TNPO1: variants seen among roughly 807,000 people sequenced by gnomAD.
The protein encoded by TNPO1 is transportin 1.
TNPO1 carries 8 observed loss-of-function variants against 119.5 expected under a neutral mutation model. The ratio of observed to expected loss-of-function variants is 0.07; its 90% confidence interval spans 0.04 to 0.12. TNPO1 has a LOEUF of 0.12. TNPO1 is among the 10% of genes least tolerant of loss of function. TNPO1 has a pLI of 1.00. For synonymous variants in TNPO1, 362 were observed against 363.0 expected, an observed-to-expected ratio of 1.00 and a Z score of 0.03; for missense variants, 576 against 1,089.8, an observed-to-expected ratio of 0.53 and a Z score of 6.64.
At chr5:72,861,751 T>C (rs745335586) in intron 4 of TNPO1, 57 bp from the exon 5 acceptor site, 34 of 1,235,576 alleles carry the variant, frequency 2.8e-5, no homozygotes, top group Non-Finnish European at 3.8e-5. Flanking sequence ...GTTGCTCACA[T>C]GGCAATGCCT....
rs768091342 is a variant in TNPO1 at position 72,911,256 on chromosome 5, T to C, written c.*2583T>C. On this transcript the variant is annotated 3_prime_UTR_variant, in exon 25 of 25. Transcript: ENST00000337273. ...TATTGTCACCTGTCTCATTAAAAAT[T>C]AGTTTCCAGTTAGGCAGATGAATAA... is the stretch of plus-strand genomic sequence containing the variant. 1.3e-5 allele frequency: 2 copies of C among 152,096 alleles called. No homozygotes were observed. The highest frequency in any genetic ancestry group is 2.4e-5 in the African/African-American group (1 of 41,458). 9.4% of individuals were successfully genotyped at this position (152,096 alleles called of 1,614,324 possible).
chr5:72,881,032 T>G (rs1363525754), intron 9 of TNPO1, among the ~76,000 whole-genome samples: 2 of 152,116 alleles, frequency 1.3e-5, no homozygotes, highest in African/African-American at 2.4e-5. Flanking sequence ...AGTCCTTTAT[T>G]TCTTGCAAAC....
intron 1 of TNPO1, among the ~76,000 whole-genome samples, chr5:72,822,056 G>C (rs1743982957): frequency 1.3e-5 from 2 of 152,168 alleles, no homozygotes; most frequent in South Asian, 4.1e-4. Context: ...ATAGTAGAGA[G>C]GGATGTTGAA....
rs1376495437 is a variant in TNPO1, at chr5:72,912,205, AAGAAT to A, written c.*3536_*3540del. The A allele has an allele frequency of 1.3e-5, 2 of 152,536 alleles. No homozygotes were observed. Among genetic ancestry groups the A allele is most frequent in the Admixed American group, 6.6e-5 (1 of 15,266 alleles). The allele number at this position is 152,536 out of a possible 1,614,324, so 9.4% of individuals were successfully genotyped here. A position where few individuals can be genotyped will look rare whatever the true frequency, so the allele number is the denominator to read the frequency against. ...TTTTGTTATGCAAGTTAGATTTCAG[AAGAAT>A]AGATTTTAAAACACTTAACCAAGCC... On this transcript the variant is annotated 3_prime_UTR_variant, in exon 25 of 25. Coordinates refer to ENST00000337273, the MANE Select transcript of TNPO1 (RefSeq NM_002270.4).
At chr5:72,869,489 G>A (rs917738870) in intron 6 of TNPO1, among the ~76,000 whole-genome samples, 9 of 152,202 alleles carry the variant, frequency 5.9e-5, no homozygotes, top group African/African-American at 1.7e-4. Context: ...GGAGGTTGTG[G>A]TGAGCTGACA....
chr5:72,856,276 G>C (rs1745990634), intron 4 of TNPO1, among the ~76,000 whole-genome samples: 1 of 152,092 alleles, frequency 6.6e-6, no homozygotes, highest in Admixed American at 6.6e-5. Context: ...CTGTTGCCCA[G>C]GCTGGGGTAC....
Position 72,880,490 on chromosome 5 carries a change from A to G in TNPO1, c.921-1977A>G, listed in dbSNP as rs538222872. Among the ~76,000 whole-genome samples the G allele has an allele frequency of 1.0e-3, 155 of 152,176 alleles. 3 individuals carry two copies. The South Asian group carries it at 0.03, about 30-fold the overall frequency. ...AGTATTCAGTAAACGTTTATTGTCT[A>G]TGTTATTACTTTATGTGATGTTGCA... On this transcript the variant is annotated intron_variant, in intron 9 of 24. Coordinates refer to ENST00000337273, the MANE Select transcript of TNPO1 (RefSeq NM_002270.4).
At chr5:72,862,992 TTGTG>T (rs71614493) in intron 5 of TNPO1, among the ~76,000 whole-genome samples, 21,451 of 144,662 alleles carry the variant, frequency 0.15, 1,705 homozygotes, top group East Asian at 0.33. Flanking sequence ...CTGTGGGTTT[TTGTG>T]TGTGTGTGTG....
At chr5:72,834,283 C>T (rs1319850491) in intron 1 of TNPO1, among the ~76,000 whole-genome samples, 1 of 152,068 alleles carries the variant, frequency 6.6e-6, no homozygotes, top group African/African-American at 2.4e-5. Context: ...TTTTAGTGTA[C>T]TTCTACTTAT....
At position 72,893,698 on chromosome 5, in the gene TNPO1, G is replaced by T. The variant is rs1579923670; in HGVS notation, c.2138G>T (p.Cys713Phe). ...TKACFQHVKPCIADFMPILGT... is the reference protein window; with the variant it reads ...TKACFQHVKPFIADFMPILGT... ...GCTTGCTTTCAGCATGTTAAGCCTT[G>T]TATAGGTATGAATATTTTCTACTGC... Residue 713 changes from cysteine (C) to phenylalanine (F), a missense_variant, in exon 18 of 25, where the codon TGT becomes TTT. Cys to Phe is a radical substitution (Grantham distance 205). This residue lies in a region of TNPO1 where 162 missense variants were observed against 294.1 expected (regional missense o/e 0.55). Coordinates refer to ENST00000337273, the MANE Select transcript of TNPO1 (RefSeq NM_002270.4). 6.2e-7 allele frequency: 1 copy of T among 1,613,856 alleles called. No homozygotes were observed. Among genetic ancestry groups the T allele is most frequent in the East Asian group, 2.2e-5 (1 of 44,880 alleles).
intron 1 of TNPO1, among the ~76,000 whole-genome samples, chr5:72,833,343 C>T (rs915726776): frequency 6.6e-6 from 1 of 152,148 alleles, no homozygotes; most frequent in African/African-American, 2.4e-5. Context: ...ACCTCTACCT[C>T]CCTAAGTGCT....
At chr5:72,818,685 AT>A (rs1208986490) in intron 1 of TNPO1, among the ~76,000 whole-genome samples, 2 of 152,252 alleles carry the variant, frequency 1.3e-5, no homozygotes, top group African/African-American at 4.8e-5. Flanking sequence ...AAATTGTGAT[AT>A]TTTTTCCTGA....
At chr5:72,831,592 A>T (rs1295169084) in intron 1 of TNPO1, among the ~76,000 whole-genome samples, 2 of 151,996 alleles carry the variant, frequency 1.3e-5, no homozygotes, top group East Asian at 1.9e-4. Context: ...CAGTAATCAC[A>T]AGTATAGAAT....
intron 21 of TNPO1, 39 bp downstream of exon 21, chr5:72,900,120 T>G (rs1749704665): frequency 1.3e-6 from 2 of 1,532,956 alleles, no homozygotes; most frequent in Admixed American, 1.7e-5. Context: ...TTCATTTTTC[T>G]TCACTCTTTC....
At chr5:72,833,997 C>T (rs1403939955) in intron 1 of TNPO1, among the ~76,000 whole-genome samples, 1 of 152,124 alleles carries the variant, frequency 6.6e-6, no homozygotes, top group Non-Finnish European at 1.5e-5. Flanking sequence ...GGTGCACCCT[C>T]CATTAACTAC....
At chr5:72,879,651 T>A (rs1554053472) in intron 9 of TNPO1, among the ~76,000 whole-genome samples, 1 of 152,230 alleles carries the variant, frequency 6.6e-6, no homozygotes, top group Non-Finnish European at 1.5e-5. Flanking sequence ...TGGGCCACGG[T>A]ACCCAGTGGG....
chr5:72,866,644 C>G (rs532601861), intron 6 of TNPO1, among the ~76,000 whole-genome samples: 1 of 152,170 alleles, frequency 6.6e-6, no homozygotes, highest in Non-Finnish European at 1.5e-5. Context: ...GTCCGAGCTA[C>G]TTGAAGGGTC....
chr5:72,906,723 G>A (rs1477011136), intron 24 of TNPO1, among the ~76,000 whole-genome samples: 2 of 152,048 alleles, frequency 1.3e-5, no homozygotes, highest in Non-Finnish European at 2.9e-5. Flanking sequence ...TCTGAGCTTC[G>A]GTTTTGTCAT....
chr5:72,864,905 G>A (rs1475755211), intron 5 of TNPO1, among the ~76,000 whole-genome samples: 1 of 151,840 alleles, frequency 6.6e-6, no homozygotes, highest in African/African-American at 2.4e-5. Flanking sequence ...CACCACACCT[G>A]GCCTAAGTAA....
Sources: allele counts gnomAD v4.1 joint callset (sites outside exome capture counted in the v4.1 genomes callset), GRCh38; gene constraint gnomAD v4.1.1; regional missense constraint gnomAD v4.1.1; transcripts MANE v1.5; gene names NCBI Gene and HGNC (gene_info 2026-07-23, HGNC 2026-07-21).